The following BANP variants were observed in gnomAD, a reference collection of about 807,000 sequenced individuals.
BANP encodes the protein protein BANP.
In BANP, 11 loss-of-function variants were observed where a neutral mutation model predicts 68.1. That is an observed-to-expected ratio of 0.16 (90% CI 0.10 to 0.27). The LOEUF (loss-of-function observed/expected upper bound fraction) is 0.27, where lower values mean the gene tolerates loss of function less well. BANP is among the 10% of genes least tolerant of loss of function. The pLI is 1.00. For synonymous variants in BANP, 329 were observed against 303.2 expected (o/e 1.09, Z -0.88); for missense variants, 504 against 722.7 (o/e 0.70, Z 3.47).
At chr16:88,035,473 C>A in intron 10 of BANP, 79 bp downstream of exon 10, 1 of 1,362,360 alleles carries the variant, frequency 7.3e-7, no homozygotes, top group Non-Finnish European at 1.0e-6. Flanking sequence ...TGTCACAGTG[C>A]GAGGGCAGCA....
At chr16:88,013,632 G>C (rs1238218072) in intron 6 of BANP, among the ~76,000 whole-genome samples, 4 of 152,240 alleles carry the variant, frequency 2.6e-5, no homozygotes, top group African/African-American at 9.6e-5. Flanking sequence ...AGGACTTTGT[G>C]CTTTCCTGGT....
rs1329597564 is a variant in BANP at position 88,064,181 on chromosome 16, CG to C, written c.1312-1081del. ...AGCACGAGGCTGGGGCAGGAGGTGT[CG>C]GGGGCTTGAGAGGCGCAGGGGAGCA... On this transcript the variant is annotated intron_variant, in intron 11 of 13. Transcript: ENST00000682872. The surrounding 1 kb of genome is among the most constrained non-coding windows in gnomAD (Gnocchi z 4.5). 1.2e-5 allele frequency among the ~76,000 whole-genome samples: 1 copy of C among 80,246 alleles called. No homozygotes were observed. The highest frequency in any genetic ancestry group is 2.6e-5 in the Non-Finnish European group (1 of 38,494). The allele number at this position is 80,246 out of a possible 152,430, so 52.6% of individuals were successfully genotyped here. A position where few individuals can be genotyped will look rare whatever the true frequency, so the allele number is the denominator to read the frequency against.
rs900810155 is a variant in BANP, at chr16:88,018,264, C to T, written c.656-164C>T. Among the ~76,000 whole-genome samples, 4 of 152,014 alleles carry T rather than the reference C, an allele frequency of 2.6e-5. No homozygotes were observed. The highest frequency in any genetic ancestry group is 4.8e-5 in the African/African-American group (2 of 41,356). ...CGTCAGTTCTTTCTTGGGCAGCAGT[C>T]GGAGGCTCCAGCGCTCTTGGTGACT... On this transcript the variant is annotated intron_variant, in intron 6 of 13. Coordinates refer to ENST00000682872, the MANE Select transcript of BANP (RefSeq NM_001386991.1). The surrounding 1 kb of genome is among the most constrained non-coding windows in gnomAD (Gnocchi z 7.7).
chr16:88,020,088 C>T (rs1466416312), intron 7 of BANP, among the ~76,000 whole-genome samples: 5 of 152,224 alleles, frequency 3.3e-5, no homozygotes, highest in African/African-American at 9.6e-5. Flanking sequence ...GTGGGGCCTC[C>T]TCACAGCTTC....
intron 3 of BANP, among the ~76,000 whole-genome samples, 185 bp from the exon 4 acceptor site, chr16:87,983,875 G>A (rs958578787): frequency 1.3e-5 from 2 of 152,218 alleles, no homozygotes; most frequent in African/African-American, 4.8e-5. Flanking sequence ...TGTGACTCGT[G>A]TGTAAAATGT....
upstream of BANP, chr16:87,949,300 A>C (rs945227511): frequency 6.6e-6 from 1 of 152,198 alleles, no homozygotes; most frequent in African/African-American, 2.4e-5. Flanking sequence ...TTGTGTTTTC[A>C]AGCCAGATAT....
intron 9 of BANP, 171 bp from the exon 10 acceptor site, chr16:88,035,152 C>A: frequency 1.5e-6 from 1 of 683,910 alleles, no homozygotes. Context: ...CTACTGTGAA[C>A]CAAAAGCTTA....
At chr16:88,069,040 C>A (rs1010990147) in intron 12 of BANP, among the ~76,000 whole-genome samples, 3 of 152,104 alleles carry the variant, frequency 2.0e-5, no homozygotes, top group Non-Finnish European at 4.4e-5. Context: ...CCAGCTCCAG[C>A]CCCAGGCCCA....
At chr16:87,984,932 A>T (rs908015784) in intron 4 of BANP, among the ~76,000 whole-genome samples, 2 of 152,190 alleles carry the variant, frequency 1.3e-5, no homozygotes, top group Non-Finnish European at 2.9e-5. Context: ...GTGCTTGACG[A>T]GGGGCCTTTT....
intron 11 of BANP, among the ~76,000 whole-genome samples, chr16:88,048,717 G>C (rs1417094483): frequency 6.9e-6 from 1 of 144,408 alleles, no homozygotes; most frequent in Non-Finnish European, 1.5e-5. Flanking sequence ...CCATTCTAAC[G>C]GTGTTCTTGG....
chr16:87,979,168 C>T (rs4843762), intron 2 of BANP, among the ~76,000 whole-genome samples: 52,946 of 151,926 alleles, frequency 0.35, 10,529 homozygotes, highest in Non-Finnish European at 0.47. Flanking sequence ...AAGGCATGGA[C>T]AGTCTTTTTT....
At chr16:87,982,421 T>A (rs1294482239) in intron 3 of BANP, among the ~76,000 whole-genome samples, 1 of 152,222 alleles carries the variant, frequency 6.6e-6, no homozygotes, top group Non-Finnish European at 1.5e-5. Flanking sequence ...TGTAAAGAAT[T>A]TGAGAGCCAA....
chr16:88,053,706 C>G (rs1202122758), intron 11 of BANP, among the ~76,000 whole-genome samples: 4 of 150,452 alleles, frequency 2.7e-5, no homozygotes. Context: ...TCTCCATCAT[C>G]ATCATCACCA....
At chr16:88,005,742 C>T (rs1488348043) in intron 5 of BANP, among the ~76,000 whole-genome samples, 2 of 152,246 alleles carry the variant, frequency 1.3e-5, no homozygotes, top group African/African-American at 4.8e-5. Flanking sequence ...ATTTAGTCTT[C>T]CCTTTAACCT....
intron 12 of BANP, among the ~76,000 whole-genome samples, chr16:88,069,681 G>C (rs2152911950): frequency 6.6e-6 from 1 of 152,294 alleles, no homozygotes; most frequent in South Asian, 2.1e-4. Context: ...CTGCACCCCA[G>C]GGCCAGCAGC....
At chr16:87,968,422 T>C (rs1278619741) in intron 1 of BANP, among the ~76,000 whole-genome samples, 1 of 148,372 alleles carries the variant, frequency 6.7e-6, no homozygotes, top group East Asian at 2.0e-4. Context: ...AGGCAGAGGT[T>C]GCGGTGAGCT....
chr16:88,045,349 C>G (rs2081750967), intron 11 of BANP, among the ~76,000 whole-genome samples: 1 of 152,232 alleles, frequency 6.6e-6, no homozygotes, highest in South Asian at 2.1e-4. Flanking sequence ...CATCCACAAG[C>G]CTCTGACCGA....
At chr16:88,011,336 C>CGG (rs1245936574) in intron 6 of BANP, among the ~76,000 whole-genome samples, 6 of 152,208 alleles carry the variant, frequency 3.9e-5, no homozygotes, top group Middle Eastern at 3.4e-3. Flanking sequence ...CCTGTGAGAC[C>CGG]AGACGCCTGG....
At chr16:88,072,901 C>T (rs1413115596) in intron 13 of BANP, among the ~76,000 whole-genome samples, 1 of 152,260 alleles carries the variant, frequency 6.6e-6, no homozygotes, top group Non-Finnish European at 1.5e-5. Context: ...TGTCCTTGTT[C>T]TACCTCCAGC....
Sources: allele counts gnomAD v4.1 joint callset (sites outside exome capture counted in the v4.1 genomes callset), GRCh38; gene constraint gnomAD v4.1.1; non-coding constraint Gnocchi (gnomAD v3.1); transcripts MANE v1.5; gene names NCBI Gene and HGNC (gene_info 2026-07-23, HGNC 2026-07-21).